The following USH2A variants were observed in gnomAD, a reference collection of about 807,000 sequenced individuals.
USH2A encodes usherin.
Under a neutral mutation model 538.9 loss-of-function variants are expected in USH2A, and 443 were observed. The observed-to-expected ratio is 0.82, with a 90% CI of 0.76 to 0.89. USH2A has a LOEUF of 0.89. USH2A is among the 40% of genes least tolerant of loss of function. The pLI is 0.00. For missense variants in USH2A, 6,633 were observed against 6,324.8 expected (o/e 1.05, Z -1.65); for synonymous variants, 2,413 against 2,273.5 (o/e 1.06, Z -1.75).
intron 38 of USH2A, among the ~76,000 whole-genome samples, chr1:215,919,239 G>A (rs1366684569): frequency 1.3e-5 from 2 of 151,994 alleles, no homozygotes; most frequent in Admixed American, 6.6e-5. Flanking sequence ...ATTAAATAAT[G>A]GAGTTCTAAT....
intron 61 of USH2A, among the ~76,000 whole-genome samples, chr1:215,684,992 A>G (rs1047333570): frequency 3.9e-5 from 6 of 152,172 alleles, no homozygotes; most frequent in African/African-American, 1.4e-4. Flanking sequence ...CATTAATTAT[A>G]TTTTATTTTG....
chr1:216,328,331 A>C (rs1394451400), intron 4 of USH2A, among the ~76,000 whole-genome samples: 7 of 152,156 alleles, frequency 4.6e-5, no homozygotes, highest in Non-Finnish European at 1.0e-4. Context: ...TGTAGCTATC[A>C]ACCTTAATCC....
At chr1:215,948,480 A>G (rs1318859836) in intron 37 of USH2A, among the ~76,000 whole-genome samples, 1 of 151,640 alleles carries the variant, frequency 6.6e-6, no homozygotes, top group African/African-American at 2.4e-5. Context: ...ATATGGACAT[A>G]CATCTATACA....
chr1:215,974,003 C>T (rs190973440), intron 35 of USH2A, among the ~76,000 whole-genome samples: 162 of 150,264 alleles, frequency 1.1e-3, no homozygotes, highest in African/African-American at 3.7e-3. Flanking sequence ...TGTAGGTAAA[C>T]AGTATTTGAC....
At chr1:215,701,179 T>C (rs1181502166) in intron 61 of USH2A, among the ~76,000 whole-genome samples, 6 of 152,142 alleles carry the variant, frequency 3.9e-5, no homozygotes, top group African/African-American at 1.2e-4. Flanking sequence ...GAGACTGTTA[T>C]GATTTCCATT....
intron 37 of USH2A, among the ~76,000 whole-genome samples, chr1:215,943,656 A>T (rs906244824): frequency 4.6e-5 from 7 of 152,306 alleles, no homozygotes; most frequent in African/African-American, 1.4e-4. Context: ...ACTAAGGATT[A>T]TTCAAGATGC....
At chr1:216,091,248 T>A (rs2032294684) in intron 22 of USH2A, among the ~76,000 whole-genome samples, 1 of 152,208 alleles carries the variant, frequency 6.6e-6, no homozygotes, top group Non-Finnish European at 1.5e-5. Flanking sequence ...TTCAGAATTG[T>A]TTTAAAGCTT....
At chr1:216,068,746 A>G (rs906172810) in intron 30 of USH2A, among the ~76,000 whole-genome samples, 2 of 152,222 alleles carry the variant, frequency 1.3e-5, no homozygotes, top group African/African-American at 4.8e-5. Flanking sequence ...ATTAAAAATA[A>G]TAATGAAAAT....
At chr1:215,931,584 T>C (rs1666363326) in intron 38 of USH2A, among the ~76,000 whole-genome samples, 1 of 151,932 alleles carries the variant, frequency 6.6e-6, no homozygotes. Flanking sequence ...ACAGAGAAGG[T>C]CTCTTTCACA....
At chr1:216,347,357 T>C (rs1031463233) in intron 4 of USH2A, among the ~76,000 whole-genome samples, 12 of 152,132 alleles carry the variant, frequency 7.9e-5, no homozygotes, top group African/African-American at 2.9e-4. Context: ...AATGAATGAC[T>C]TATGATGACC....
At chr1:215,761,889 G>C (rs146479645) in intron 56 of USH2A, among the ~76,000 whole-genome samples, 1 of 152,132 alleles carries the variant, frequency 6.6e-6, no homozygotes, top group East Asian at 1.9e-4. Context: ...TCAATATTAG[G>C]TTCCCTGTAA....
At chr1:215,828,379 T>C (rs1663215420) in intron 47 of USH2A, among the ~76,000 whole-genome samples, 1 of 152,082 alleles carries the variant, frequency 6.6e-6, no homozygotes, top group Admixed American at 6.6e-5. Flanking sequence ...TGCTTGAGCC[T>C]GGAAGGTCAA....
intron 47 of USH2A, among the ~76,000 whole-genome samples, chr1:215,832,697 C>A (rs976393861): frequency 6.6e-6 from 1 of 151,760 alleles, no homozygotes; most frequent in Non-Finnish European, 1.5e-5. Flanking sequence ...GGGAACAAGT[C>A]AAGGATATGC....
intron 22 of USH2A, among the ~76,000 whole-genome samples, chr1:216,096,840 T>C (rs1571957863): frequency 1.3e-5 from 2 of 152,238 alleles, no homozygotes; most frequent in South Asian, 4.1e-4. Context: ...GCATTTTGGT[T>C]GTTAAGCCCA....
chr1:215,889,165 G>T, intron 40 of USH2A, 111 bp from the exon 41 acceptor site: 1 of 1,267,636 alleles, frequency 7.9e-7, no homozygotes, highest in Non-Finnish European at 1.1e-6. Flanking sequence ...TGAACACTTG[G>T]TAAAGGCCAA....
intron 43 of USH2A, among the ~76,000 whole-genome samples, chr1:215,867,722 TGA>T (rs1353315928): frequency 6.6e-6 from 1 of 152,220 alleles, no homozygotes; most frequent in Non-Finnish European, 1.5e-5. Context: ...ATTCTCCCGC[TGA>T]GAGTTTTGCT....
At chr1:216,266,862 A>G (rs1025135933) in intron 11 of USH2A, among the ~76,000 whole-genome samples, 35 of 152,024 alleles carry the variant, frequency 2.3e-4, no homozygotes, top group African/African-American at 6.3e-4. Context: ...ATTTTTGAAA[A>G]TAGAACCAAC....
In USH2A at chr1:215,680,363, T is replaced by C. The variant is rs12044967; in HGVS notation, c.12080A>G (p.Gln4027Arg). The C allele has an allele frequency of 3.1e-6, 5 of 1,613,696 alleles. No individual in the cohort carries two copies. In the East Asian group the frequency reaches 1.1e-4, roughly 36 times the overall value. The change falls in exon 62 of 72, where the codon CAA becomes CGA. Residue 4027 changes from glutamine (Q) to arginine (R), a missense_variant. Coordinates refer to ENST00000307340, the MANE Select transcript of USH2A (RefSeq NM_206933.4). Reference protein sequence around the residue: ...HAFTVKGTSHQAHLYGLEPFT... With the variant: ...HAFTVKGTSHRAHLYGLEPFT... ...TGGTTCTAACCCGTACAGGTGGGCT[T>C]GATGGCTTGTTCCCTGTAAGAAAAT...
intron 32 of USH2A, among the ~76,000 whole-genome samples, chr1:216,013,513 C>CA (rs1253534195): frequency 6.6e-6 from 1 of 152,096 alleles, no homozygotes; most frequent in Non-Finnish European, 1.5e-5. Context: ...CCTGCACGTA[C>CA]ACATCCAGAT....
Sources: gnomAD v4.1 joint callset for allele counts (sites outside exome capture counted in the v4.1 genomes callset) on GRCh38, gnomAD v4.1.1 for gene constraint, MANE v1.5 for transcripts, NCBI Gene and HGNC (gene_info 2026-07-23, HGNC 2026-07-21) for gene names.